MYOZ1: variants seen among roughly 807,000 people sequenced by gnomAD.
The protein encoded by MYOZ1 is myozenin-1.
In MYOZ1, 20 loss-of-function variants were observed where a neutral mutation model predicts 28.7. The ratio of observed to expected loss-of-function variants is 0.70; its 90% CI spans 0.49 to 1.01. The LOEUF (loss-of-function observed/expected upper bound fraction) is 1.01. Among genes scored for constraint, MYOZ1 ranks in the 50% least tolerant of loss-of-function variants. The pLI is 0.00. For missense variants in MYOZ1, 371 were observed against 372.4 expected (o/e 1.00, Z 0.03); for synonymous variants, 144 against 145.8 (o/e 0.99, Z 0.09).
Position 73,634,546 on chromosome 10 carries a change from G to A in MYOZ1, c.440C>T (p.Pro147Leu). Reference protein sequence around the residue: ...SGSGAGGTGGPAGQAGRGGAA... With the variant: ...SGSGAGGTGGLAGQAGRGGAA... ...TCCTCCTCTGCCAGCCTGGCCCGCGGGACCACCTGTACCCCCAGCTCCAGA... is the reference window on the plus strand; with the variant it reads ...TCCTCCTCTGCCAGCCTGGCCCGCGAGACCACCTGTACCCCCAGCTCCAGA... Residue 147 changes from proline (P) to leucine (L), a missense_variant, in exon 4 of 6, where the codon CCC (proline) becomes CTC (leucine). By Grantham distance (98) the Pro-to-Leu change is moderately conservative (BLOSUM62 -3). Coordinates refer to ENST00000359322, the MANE Select transcript of MYOZ1 (RefSeq NM_021245.4). The A allele has an allele frequency of 6.2e-7, 1 of 1,614,050 alleles. No individual in the cohort carries two copies. The highest frequency in any genetic ancestry group is 8.5e-7 in the Non-Finnish European group (1 of 1,180,020).
At chr10:73,640,142 C>CAA (rs869081823) in intron 1 of MYOZ1, 107 bp from the exon 2 acceptor site, 1 of 885,236 alleles carries the variant, frequency 1.1e-6, no homozygotes, top group Admixed American at 2.6e-5. Flanking sequence ...CTTGAGGGGA[C>CAA]AAAAAAATTT....
chr10:73,638,485 A>C (rs1352451761), intron 2 of MYOZ1, among the ~76,000 whole-genome samples: 1 of 150,994 alleles, frequency 6.6e-6, no homozygotes, highest in Admixed American at 6.6e-5. Context: ...GGCCTGCACC[A>C]CCATCCCTGG....
At chr10:73,634,813 C>T (rs2081657455) in intron 3 of MYOZ1, 80 bp from the exon 4 acceptor site, 1 of 1,527,312 alleles carries the variant, frequency 6.5e-7, no homozygotes, top group Admixed American at 1.9e-5. Context: ...TTAGCAAAGG[C>T]AGAAATAGTG....
At chr10:73,637,601 C>T (rs1053692318) in intron 3 of MYOZ1, 143 bp downstream of exon 3, 47 of 779,242 alleles carry the variant, frequency 6.0e-5, no homozygotes, top group Non-Finnish European at 8.7e-5. Flanking sequence ...GGAGCTGTTG[C>T]GGGCTCAATA....
In MYOZ1 at chr10:73,634,480, T is replaced by C. The variant is rs375795947; in HGVS notation, c.502+4A>G. 1.1e-5 allele frequency: 18 copies of C among 1,613,868 alleles called. No homozygotes were observed. In the African/African-American group the frequency reaches 2.3e-4, roughly 20 times the overall value. On this transcript the variant is annotated splice_donor_region_variant and intron_variant, in intron 4 of 5. Transcript: ENST00000359322. ...ACACATTACTCTTGGGTGAGTGTAC[T>C]TGCCTGATCCTGTCTCACCAACCCC...
intron 3 of MYOZ1, 139 bp from the exon 4 acceptor site, chr10:73,634,872 G>T: frequency 1.0e-6 from 1 of 963,834 alleles, no homozygotes; most frequent in Non-Finnish European, 1.5e-6. Context: ...TCCAGTTGAT[G>T]GGTAGTACAT....
chr10:73,639,679 G>T (rs1342136935), intron 2 of MYOZ1, among the ~76,000 whole-genome samples: 1 of 152,184 alleles, frequency 6.6e-6, no homozygotes, highest in Non-Finnish European at 1.5e-5. Flanking sequence ...ATACCTCACT[G>T]ACTCATGGGT....
Position 73,633,891 on chromosome 10 carries a change from C to T in MYOZ1, c.668+9G>A, listed in dbSNP as rs200751366. ...AGAATGCATCTGGTTCCTTCCTCAC[C>T]ACCCCTACCTGTTGAAGGACTTATA... is the stretch of plus-strand genomic sequence containing the variant. On this transcript the variant is annotated intron_variant, in intron 5 of 5. Transcript: ENST00000359322. 35 of 1,595,646 alleles carry T rather than the reference C, an allele frequency of 2.2e-5. No homozygotes were observed. Among genetic ancestry groups the T allele is most frequent in the Middle Eastern group, 1.7e-4 (1 of 5,926 alleles).
At chr10:73,638,116 G>A (rs1342648985) in intron 2 of MYOZ1, among the ~76,000 whole-genome samples, 194 bp from the exon 3 acceptor site, 1 of 151,952 alleles carries the variant, frequency 6.6e-6, no homozygotes, top group African/African-American at 2.4e-5. Context: ...GAACTGGGGT[G>A]CACTGTGGAG....
intron 4 of MYOZ1, 115 bp from the exon 5 acceptor site, chr10:73,634,180 T>C (rs763954474): frequency 3.8e-5 from 46 of 1,205,118 alleles, no homozygotes; most frequent in Non-Finnish European, 4.8e-5. Flanking sequence ...AAAGATATAA[T>C]ATCCTGGTAA....
intron 5 of MYOZ1, 83 bp from the exon 6 acceptor site, chr10:73,632,244 T>G: frequency 8.1e-7 from 1 of 1,233,306 alleles, no homozygotes; most frequent in Non-Finnish European, 1.2e-6. Flanking sequence ...TCTTTGAGAA[T>G]AGGGAAGTCT....
intron 2 of MYOZ1, among the ~76,000 whole-genome samples, chr10:73,638,832 A>C (rs114626786): frequency 0.011 from 1,577 of 146,546 alleles, 37 homozygotes; most frequent in African/African-American, 0.037. Flanking sequence ...ATGCCCAGTT[A>C]ATTTTTCTAT....
Position 73,633,909 on chromosome 10 carries a change from G to A in MYOZ1, c.659C>T (p.Ser220Phe). Residue 220 changes from serine (S) to phenylalanine (F), a missense_variant, in exon 5 of 6, where the codon TCC (serine) becomes TTC (phenylalanine). Physicochemically the swap from Ser to Phe is radical, Grantham distance 155. Coordinates refer to ENST00000359322, the MANE Select transcript of MYOZ1 (RefSeq NM_021245.4). ...GAKAELPKYK[S>F]FNRTAMPYGG... ...TCCTCACCACCCCTACCTGTTGAAGGACTTATATTTGGGAAGTTCAGCTTT... is the reference window on the plus strand; with the variant it reads ...TCCTCACCACCCCTACCTGTTGAAGAACTTATATTTGGGAAGTTCAGCTTT... 6.2e-7 allele frequency: 1 copy of A among 1,609,470 alleles called. No homozygotes were observed. The highest frequency in any genetic ancestry group is 8.5e-7 in the Non-Finnish European group (1 of 1,177,902).
chr10:73,633,720 A>C (rs1381192935), intron 5 of MYOZ1, among the ~76,000 whole-genome samples, 180 bp downstream of exon 5: 2 of 152,192 alleles, frequency 1.3e-5, no homozygotes, highest in African/African-American at 4.8e-5. Context: ...TTTTTCCTTC[A>C]TCACACTGCT....
intron 2 of MYOZ1, among the ~76,000 whole-genome samples, chr10:73,638,457 C>G (rs766651490): frequency 1.9e-4 from 29 of 151,250 alleles, no homozygotes; most frequent in African/African-American, 3.4e-4. Context: ...CTCAGCCTCC[C>G]AGGTCGCTGG....
At position 73,631,979 on chromosome 10, in the gene MYOZ1, T is replaced by C. The variant is rs368633961; in HGVS notation, c.851A>G (p.Tyr284Cys). ...CAAGGGGATGCCAATATCCACGTTG[T>C]AGTCTACAGGCTCCCCAGAGCTCAG... ...PWLSSGEPVD[Y>C]NVDIGIPLDG... Residue 284 changes from tyrosine (Y) to cysteine (C), a missense_variant, in exon 6 of 6, where the codon TAC becomes TGC. Physicochemically the swap from Tyr to Cys is radical, Grantham distance 194. Coordinates refer to ENST00000359322, the MANE Select transcript of MYOZ1 (RefSeq NM_021245.4). 53 of 1,613,994 alleles carry C rather than the reference T, an allele frequency of 3.3e-5. No homozygotes were observed. Among genetic ancestry groups the C allele is most frequent in the Non-Finnish European group, 4.0e-5 (47 of 1,180,012 alleles).
intron 2 of MYOZ1, among the ~76,000 whole-genome samples, chr10:73,638,344 T>A (rs2081681062): frequency 6.6e-6 from 1 of 151,068 alleles, no homozygotes; most frequent in Non-Finnish European, 1.5e-5. Flanking sequence ...TTTTTTTTCA[T>A]TTTTTTGAGA....
At chr10:73,639,045 G>C (rs2081687373) in intron 2 of MYOZ1, among the ~76,000 whole-genome samples, 1 of 149,890 alleles carries the variant, frequency 6.7e-6, no homozygotes, top group African/African-American at 2.5e-5. Context: ...GGGCTCAAGT[G>C]GTCCTCTCAC....
At position 73,638,134 on chromosome 10, in the gene MYOZ1, G is replaced by A. The variant is rs576758154; in HGVS notation, c.74-212C>T. Among the ~76,000 whole-genome samples, 567 of 151,988 alleles carry A rather than the reference G, an allele frequency of 3.7e-3. 3 individuals carry two copies. The highest frequency in any genetic ancestry group is 9.3e-3 in the Admixed American group (142 of 15,236). On this transcript the variant is annotated intron_variant, in intron 2 of 5. Transcript: ENST00000359322. ...CTGGGGTGCACTGTGGAGATAATGG[G>A]AATACTAGAGTGGAGAGGCCAATGG...
Sources: allele counts gnomAD v4.1 joint callset (sites outside exome capture counted in the v4.1 genomes callset), GRCh38; gene constraint gnomAD v4.1.1; transcripts MANE v1.5; gene names NCBI Gene and HGNC (gene_info 2026-07-23, HGNC 2026-07-21).